Variants in CCDC146 observed in about 807,000 individuals in gnomAD.
The protein encoded by CCDC146 is coiled-coil domain-containing protein 146.
Under a neutral mutation model 119.3 loss-of-function variants are expected in CCDC146, and 92 were observed. That is an observed-to-expected ratio of 0.77 (90% CI 0.65 to 0.92). CCDC146 has a LOEUF of 0.92. CCDC146 is among the 40% of genes least tolerant of loss of function. The pLI is 0.00. For missense variants in CCDC146, 1,000 were observed against 1,103.0 expected, an observed-to-expected ratio of 0.91 and a Z score of 1.32; for synonymous variants, 372 against 371.8, an observed-to-expected ratio of 1.00 and a Z score of -0.01.
At chr7:77,192,945 TA>T (rs958388887) in intron 2 of CCDC146, among the ~76,000 whole-genome samples, 4 of 149,984 alleles carry the variant, frequency 2.7e-5, no homozygotes, top group Non-Finnish European at 3.0e-5. Context: ...AATAAAATAA[TA>T]AAAAAAAAGA....
chr7:77,248,234 C>T (rs1792991741), intron 4 of CCDC146, among the ~76,000 whole-genome samples: 3 of 151,960 alleles, frequency 2.0e-5, no homozygotes, highest in African/African-American at 7.3e-5. Flanking sequence ...TACACGTGGA[C>T]GTAGAGTGTG....
intron 2 of CCDC146, chr7:77,199,335 T>G: frequency 6.2e-7 from 1 of 1,614,132 alleles, no homozygotes; most frequent in Non-Finnish European, 8.5e-7. Flanking sequence ...GACCATGAAG[T>G]ACATTGATCT....
At chr7:77,217,489 ATGTC>A (rs1792321486) in intron 2 of CCDC146, among the ~76,000 whole-genome samples, 1 of 152,028 alleles carries the variant, frequency 6.6e-6, no homozygotes, top group African/African-American at 2.4e-5. Flanking sequence ...TATGTGGAAA[ATGTC>A]AGTCAACTAC....
intron 2 of CCDC146, among the ~76,000 whole-genome samples, chr7:77,233,960 C>A (rs927791290): frequency 6.6e-6 from 1 of 151,460 alleles, no homozygotes; most frequent in Admixed American, 6.6e-5. Context: ...TAAGGCAGAG[C>A]CTATGTTATA....
At chr7:77,186,846 G>A (rs1440128691) in intron 2 of CCDC146, among the ~76,000 whole-genome samples, 1 of 152,176 alleles carries the variant, frequency 6.6e-6, no homozygotes, top group African/African-American at 2.4e-5. Context: ...AATTGGAAGT[G>A]AGGTAACAGA....
At chr7:77,233,112 G>T (rs3114305) in intron 2 of CCDC146, among the ~76,000 whole-genome samples, 2 of 147,916 alleles carry the variant, frequency 1.4e-5, no homozygotes. Context: ...TTTTTTAGAC[G>T]GAATCTCACT....
chr7:77,238,487 G>GCT (rs1316617785), intron 3 of CCDC146, among the ~76,000 whole-genome samples: 1 of 152,068 alleles, frequency 6.6e-6, no homozygotes, highest in East Asian at 1.9e-4. Context: ...CCTGGTCTTG[G>GCT]CTCACTGCAA....
intron 17 of CCDC146, among the ~76,000 whole-genome samples, 195 bp downstream of exon 17, chr7:77,287,772 C>T (rs1793875395): frequency 6.6e-6 from 1 of 152,220 alleles, no homozygotes; most frequent in African/African-American, 2.4e-5. Flanking sequence ...TAATTCACTT[C>T]ACGGTGGCAA....
intron 2 of CCDC146, among the ~76,000 whole-genome samples, chr7:77,191,005 C>A (rs1371178661): frequency 1.3e-5 from 2 of 152,092 alleles, no homozygotes; most frequent in African/African-American, 2.4e-5. Flanking sequence ...TGTGACATGT[C>A]CCCACAGGCA....
At chr7:77,182,535 G>T (rs1791605486) in intron 2 of CCDC146, among the ~76,000 whole-genome samples, 1 of 152,080 alleles carries the variant, frequency 6.6e-6, no homozygotes, top group Non-Finnish European at 1.5e-5. Flanking sequence ...ACTTTGGAAG[G>T]CCCAGGCAGG....
chr7:77,259,974 G>A lies in CCDC146; in HGVS notation c.759-35G>A, dbSNP rs761523416. ...TGTGTGTGTGTGTGTGTGTGTGTGT[G>A]TGTGTGTGTGTGTGTGTGTGTGTAT... On this transcript the variant is annotated intron_variant, in intron 7 of 18. Transcript: ENST00000285871. 9 of 597,470 alleles carry A rather than the reference G, an allele frequency of 1.5e-5. No homozygotes were observed. In the Admixed American group the frequency reaches 2.7e-4, roughly 18 times the overall value. 37.0% of individuals were successfully genotyped at this position (597,470 alleles called of 1,614,324 possible).
chr7:77,294,886 C>T lies in CCDC146; in HGVS notation c.*20C>T, dbSNP rs990165740. ...ATCTGAATATGTGAACAAATCCAGG[C>T]CTCTCAAGGAAAAGACTTCAACCAG... On this transcript the variant is annotated 3_prime_UTR_variant, in exon 19 of 19. Coordinates refer to ENST00000285871, the MANE Select transcript of CCDC146 (RefSeq NM_020879.3). 10 of 1,599,744 alleles carry T rather than the reference C, an allele frequency of 6.3e-6. No homozygotes were observed. Among genetic ancestry groups the T allele is most frequent in the Non-Finnish European group, 1.7e-6 (2 of 1,170,484 alleles).
intron 2 of CCDC146, among the ~76,000 whole-genome samples, chr7:77,229,284 G>T (rs566360919): frequency 2.0e-5 from 3 of 152,122 alleles, no homozygotes; most frequent in South Asian, 4.1e-4. Flanking sequence ...TTAATCTGTT[G>T]ATAGTTTCTT....
chr7:77,199,432 G>A (rs752493321), intron 2 of CCDC146: 11 of 1,613,882 alleles, frequency 6.8e-6, no homozygotes, highest in Admixed American at 5.0e-5. Context: ...CTCTCCCGGG[G>A]CTCCTGTACT....
At chr7:77,170,654 C>T (rs1414554835) in intron 2 of CCDC146, among the ~76,000 whole-genome samples, 2 of 152,132 alleles carry the variant, frequency 1.3e-5, no homozygotes, top group Non-Finnish European at 2.9e-5. Context: ...GAAAATATTG[C>T]AAACTATGCA....
intron 1 of CCDC146, among the ~76,000 whole-genome samples, chr7:77,160,181 A>G (rs1304936748): frequency 6.6e-6 from 1 of 152,130 alleles, no homozygotes; most frequent in Non-Finnish European, 1.5e-5. Flanking sequence ...GCCTTGTAGT[A>G]TAGTTTGAAG....
At chr7:77,269,944 T>C (rs1013800960) in intron 9 of CCDC146, among the ~76,000 whole-genome samples, 1 of 152,172 alleles carries the variant, frequency 6.6e-6, no homozygotes, top group Admixed American at 6.5e-5. Context: ...CAGACTTGCA[T>C]GCAATCCAAA....
intron 8 of CCDC146, among the ~76,000 whole-genome samples, chr7:77,261,022 A>C (rs759886971): frequency 1.3e-5 from 2 of 152,178 alleles, no homozygotes; most frequent in Non-Finnish European, 2.9e-5. Context: ...ATAAGACTGC[A>C]GTTCTAAATG....
At chr7:77,212,260 G>GA (rs888735744) in intron 2 of CCDC146, among the ~76,000 whole-genome samples, 9 of 151,990 alleles carry the variant, frequency 5.9e-5, no homozygotes, top group Admixed American at 1.3e-4. Flanking sequence ...ACATATTGAA[G>GA]AAAAATATAT....
Sources: gnomAD v4.1 joint callset for allele counts (sites outside exome capture counted in the v4.1 genomes callset) on GRCh38, gnomAD v4.1.1 for gene constraint, MANE v1.5 for transcripts, NCBI Gene and HGNC (gene_info 2026-07-23, HGNC 2026-07-21) for gene names.